The following ST7 variants were observed in gnomAD, a reference collection of about 807,000 sequenced individuals.
ST7 encodes the protein suppression of tumorigenicity 7, also known as suppressor of tumorigenicity 7 protein.
A neutral mutation model predicts 78.7 loss-of-function variants in ST7; 28 were observed. The ratio of observed to expected loss-of-function variants is 0.36; its 90% CI spans 0.26 to 0.49. The LOEUF (loss-of-function observed/expected upper bound fraction) is 0.49, where lower values mean the gene tolerates loss of function less well. Among genes scored for constraint, ST7 ranks in the 20% least tolerant of loss-of-function variants. The pLI is 0.99. For synonymous variants in ST7, 247 were observed against 249.6 expected, an observed-to-expected ratio of 0.99 and a Z score of 0.10; for missense variants, 418 against 696.0, an observed-to-expected ratio of 0.60 and a Z score of 4.49.
At chr7:117,126,018 A>G (rs1177411810) in intron 3 of ST7, among the ~76,000 whole-genome samples, 1 of 151,982 alleles carries the variant, frequency 6.6e-6, no homozygotes, top group Non-Finnish European at 1.5e-5. Context: ...TATACCCCTA[A>G]CTAATGTATG....
intron 1 of ST7, among the ~76,000 whole-genome samples, chr7:116,969,623 C>A (rs1220577075): frequency 6.6e-6 from 1 of 152,190 alleles, no homozygotes; most frequent in Non-Finnish European, 1.5e-5. Flanking sequence ...AGGAATGAAG[C>A]TTTGTTTCCT....
chr7:116,956,655 C>G, intron 1 of ST7: 1 of 470,952 alleles, frequency 2.1e-6, no homozygotes, highest in South Asian at 1.5e-5. Context: ...TCTTGGATAT[C>G]TGCTTGGTAT....
At chr7:117,094,207 A>G (rs1800852255) in intron 1 of ST7, among the ~76,000 whole-genome samples, 1 of 152,174 alleles carries the variant, frequency 6.6e-6, no homozygotes, top group Non-Finnish European at 1.5e-5. Context: ...CACATATCTA[A>G]TTCCCCACCA....
At chr7:117,004,661 A>AAAAT (rs1329687868) in intron 1 of ST7, among the ~76,000 whole-genome samples, 1 of 152,266 alleles carries the variant, frequency 6.6e-6, no homozygotes, top group African/African-American at 2.4e-5. Flanking sequence ...ACCCTGTCTC[A>AAAAT]AAATAAATAA....
chr7:117,189,595 A>G (rs1584551080), intron 11 of ST7, among the ~76,000 whole-genome samples: 1 of 152,238 alleles, frequency 6.6e-6, no homozygotes, highest in East Asian at 1.9e-4. Flanking sequence ...GTGTAAAGGT[A>G]TCCTAAAGCA....
chr7:117,003,420 C>T (rs1041989987), intron 1 of ST7, among the ~76,000 whole-genome samples: 11 of 152,262 alleles, frequency 7.2e-5, no homozygotes, highest in Admixed American at 3.3e-4. Context: ...GCCTCAGCCT[C>T]CTGAGTAGCT....
At chr7:116,961,687 T>G (rs1792836996) in intron 1 of ST7, among the ~76,000 whole-genome samples, 1 of 151,938 alleles carries the variant, frequency 6.6e-6, no homozygotes, top group African/African-American at 2.4e-5. Context: ...TTTTGCACAT[T>G]GATTTTATAT....
chr7:117,057,092 A>G (rs1798101620), intron 1 of ST7, among the ~76,000 whole-genome samples: 2 of 152,064 alleles, frequency 1.3e-5, no homozygotes, highest in African/African-American at 4.8e-5. Context: ...TTGAGTCTTT[A>G]TATTTTTTTC....
chr7:117,166,720 T>G (rs1807583199), intron 9 of ST7, among the ~76,000 whole-genome samples: 1 of 152,056 alleles, frequency 6.6e-6, no homozygotes, highest in East Asian at 1.9e-4. Flanking sequence ...AAACCCCATC[T>G]CTACTAAAGA....
intron 2 of ST7, among the ~76,000 whole-genome samples, chr7:117,105,092 A>G (rs990953829): frequency 6.6e-6 from 1 of 152,208 alleles, no homozygotes; most frequent in Non-Finnish European, 1.5e-5. Context: ...TAATTTGTAA[A>G]TAGTTCTCTT....
At chr7:117,001,228 T>C (rs1227841373) in intron 1 of ST7, among the ~76,000 whole-genome samples, 2 of 152,246 alleles carry the variant, frequency 1.3e-5, no homozygotes, top group Non-Finnish European at 1.5e-5. Context: ...CTAAGTAGTA[T>C]TCGCCTGCCT....
intron 1 of ST7, among the ~76,000 whole-genome samples, chr7:117,064,090 G>GT (rs1049590672): frequency 7.9e-5 from 12 of 151,626 alleles, no homozygotes; most frequent in Non-Finnish European, 1.3e-4. Flanking sequence ...ATTACCTTTG[G>GT]TTTTTTTAAT....
chr7:117,062,825 C>G (rs751170614), intron 1 of ST7, among the ~76,000 whole-genome samples: 1 of 152,184 alleles, frequency 6.6e-6, no homozygotes, highest in Non-Finnish European at 1.5e-5. Context: ...ACTCCTGTGA[C>G]CAACTCAGTT....
intron 1 of ST7, among the ~76,000 whole-genome samples, chr7:117,018,313 CCCTTTTGAACTGTATTAT>C (rs1354812117): frequency 6.6e-6 from 1 of 152,150 alleles, no homozygotes; most frequent in East Asian, 1.9e-4. Flanking sequence ...TAAGGTTCCA[CCCTTTTGAACTGTATTAT>C]CCTTTCCCAC....
At chr7:117,193,072 G>A (rs1809943252) in intron 12 of ST7, among the ~76,000 whole-genome samples, 1 of 151,850 alleles carries the variant, frequency 6.6e-6, no homozygotes, top group South Asian at 2.1e-4. Context: ...GGGATTCACT[G>A]GCCCTATCTG....
intron 9 of ST7, among the ~76,000 whole-genome samples, chr7:117,160,820 T>A (rs1807084610): frequency 6.6e-6 from 1 of 152,052 alleles, no homozygotes; most frequent in Non-Finnish European, 1.5e-5. Context: ...ACACTAAGGG[T>A]TAGACAGGGA....
intron 1 of ST7, among the ~76,000 whole-genome samples, chr7:117,013,570 G>A (rs189014282): frequency 6.6e-6 from 1 of 152,346 alleles, no homozygotes; most frequent in East Asian, 1.9e-4. Flanking sequence ...GCTCACGCCT[G>A]TAATCCCAAC....
At chr7:117,060,875 G>A (rs147753432) in intron 1 of ST7, among the ~76,000 whole-genome samples, 3,739 of 152,078 alleles carry the variant, frequency 0.025, 138 homozygotes, top group African/African-American at 0.086. Flanking sequence ...GTGTGGTGGC[G>A]GGCGCCTGTA....
At chr7:117,039,021 C>G (rs888804762) in intron 1 of ST7, among the ~76,000 whole-genome samples, 4 of 152,086 alleles carry the variant, frequency 2.6e-5, no homozygotes, top group African/African-American at 9.7e-5. Context: ...TTAACAGCCA[C>G]AGAATACTTT....
Sources: gnomAD v4.1 joint callset for allele counts (sites outside exome capture counted in the v4.1 genomes callset) on GRCh38, gnomAD v4.1.1 for gene constraint, MANE v1.5 for transcripts, NCBI Gene and HGNC (gene_info 2026-07-23, HGNC 2026-07-21) for gene names.